WNT3A: variants seen among roughly 807,000 people sequenced by gnomAD.
WNT3A encodes the protein Wnt family member 3A.
Under a neutral mutation model 37.0 loss-of-function variants are expected in WNT3A, and 17 were observed. The ratio of observed to expected loss-of-function variants is 0.46; its 90% CI spans 0.31 to 0.69. The LOEUF (loss-of-function observed/expected upper bound fraction) is 0.69, where lower values mean the gene tolerates loss of function less well. Among genes scored for constraint, WNT3A ranks in the 30% least tolerant of loss-of-function variants. WNT3A has a pLI of 0.05. For missense variants in WNT3A, 411 were observed against 510.2 expected, an observed-to-expected ratio of 0.81 and a Z score of 1.87; for synonymous variants, 187 against 211.0, an observed-to-expected ratio of 0.89 and a Z score of 0.99.
At chr1:228,018,806 G>A (rs2030606832) in intron 1 of WNT3A, among the ~76,000 whole-genome samples, 1 of 152,202 alleles carries the variant, frequency 6.6e-6, no homozygotes, top group Non-Finnish European at 1.5e-5. Flanking sequence ...CCCCACAGGA[G>A]CTCCCCGCTG....
chr1:228,053,994 C>T (rs1050886953), intron 3 of WNT3A, among the ~76,000 whole-genome samples: 1 of 152,122 alleles, frequency 6.6e-6, no homozygotes, highest in African/African-American at 2.4e-5. Flanking sequence ...CCTGGGGTAG[C>T]TTTTGTCTAG....
chr1:228,035,537 T>C (rs1341669047), intron 2 of WNT3A, among the ~76,000 whole-genome samples: 1 of 152,126 alleles, frequency 6.6e-6, no homozygotes, highest in East Asian at 1.9e-4. Context: ...GCAGAGAAGG[T>C]AGGACTCCAG....
At chr1:228,023,693 C>A (rs1386448233) in intron 2 of WNT3A, among the ~76,000 whole-genome samples, 1 of 152,132 alleles carries the variant, frequency 6.6e-6, no homozygotes, top group Non-Finnish European at 1.5e-5. Flanking sequence ...AACCGAAAAT[C>A]CGCGATTTTA....
chr1:228,013,779 C>T (rs538278566), intron 1 of WNT3A, among the ~76,000 whole-genome samples: 6 of 152,342 alleles, frequency 3.9e-5, no homozygotes, highest in Non-Finnish European at 5.9e-5. Flanking sequence ...CGGGCAGTCT[C>T]AGCCTGGGCG....
intron 2 of WNT3A, among the ~76,000 whole-genome samples, chr1:228,030,659 G>C (rs1178437639): frequency 6.6e-6 from 1 of 152,168 alleles, no homozygotes; most frequent in Non-Finnish European, 1.5e-5. Context: ...CACTCTCTGT[G>C]TCTTCCAGCC....
chr1:228,022,827 C>A lies in WNT3A; in HGVS notation c.232C>A (p.Gln78Lys). 6.2e-7 allele frequency: 1 copy of A among 1,614,078 alleles called. No individual in the cohort carries two copies. Among genetic ancestry groups the A allele is most frequent in the Non-Finnish European group, 8.5e-7 (1 of 1,180,034 alleles). Residue 78 changes from glutamine to lysine, a missense_variant, in exon 2 of 4, where the codon CAG becomes AAG. Transcript: ENST00000284523. ...EGIKIGIQEC[Q>K]HQFRGRRWNC... The stretch of plus-strand genomic sequence containing the variant: ...CATCAAGATTGGCATCCAGGAGTGC[C>A]AGCACCAGTTCCGCGGCCGCCGGTG...
At position 228,037,219 on chromosome 1, in the gene WNT3A, C is replaced by T. The variant is rs528067737; in HGVS notation, c.314-13437C>T. 5.3e-5 allele frequency among the ~76,000 whole-genome samples: 8 copies of T among 152,034 alleles called. No homozygotes were observed. The highest frequency in any genetic ancestry group is 1.2e-4 in the Non-Finnish European group (8 of 67,932). On this transcript the variant is annotated intron_variant, in intron 2 of 3. Coordinates refer to ENST00000284523, the MANE Select transcript of WNT3A (RefSeq NM_033131.4). The surrounding 1 kb of genome is among the most constrained non-coding windows in gnomAD (Gnocchi z 4.1). ...CTCCCACTCAGCCTTCACACACCACCCCCTCTTCAAGCATTTCCAGTCCCC... is the reference window on the plus strand; with the variant it reads ...CTCCCACTCAGCCTTCACACACCACTCCCTCTTCAAGCATTTCCAGTCCCC...
intron 2 of WNT3A, among the ~76,000 whole-genome samples, chr1:228,041,422 T>C (rs2031281891): frequency 6.6e-6 from 1 of 151,908 alleles, no homozygotes; most frequent in Admixed American, 6.6e-5. Flanking sequence ...CCACCATCCA[T>C]CAATTCATCC....
At chr1:228,046,770 G>A (rs1475275197) in intron 2 of WNT3A, among the ~76,000 whole-genome samples, 2 of 150,494 alleles carry the variant, frequency 1.3e-5, no homozygotes, top group African/African-American at 4.9e-5. Context: ...GTGGTGGGGT[G>A]TGCATGTGTG....
chr1:228,019,751 A>G (rs1470727679), intron 1 of WNT3A, among the ~76,000 whole-genome samples: 1 of 152,188 alleles, frequency 6.6e-6, no homozygotes, highest in African/African-American at 2.4e-5. Flanking sequence ...TTATCTTTTT[A>G]TGCTTACGTC....
At chr1:228,054,554 G>A (rs1449722324) in intron 3 of WNT3A, among the ~76,000 whole-genome samples, 10 of 150,174 alleles carry the variant, frequency 6.7e-5, no homozygotes, top group Admixed American at 3.3e-4. Context: ...CGTGAACCCA[G>A]GAGGCGGAGC....
At chr1:228,034,245 G>A (rs2031084260) in intron 2 of WNT3A, among the ~76,000 whole-genome samples, 1 of 152,136 alleles carries the variant, frequency 6.6e-6, no homozygotes, top group African/African-American at 2.4e-5. Flanking sequence ...CTGGGCAACA[G>A]AGTGAGACTC....
Position 228,050,887 on chromosome 1 carries a change from C to A in WNT3A, c.545C>A (p.Ala182Asp). The A allele has an allele frequency of 6.4e-7, 1 of 1,555,956 alleles. No homozygotes were observed. ...GAGAACCGGCCAGATGCCCGCTCAG[C>A]CATGAACCGCCACAACAACGAGGCT... ...ARENRPDARS[A>D]MNRHNNEAGR... Residue 182 changes from alanine to aspartate, a missense_variant, in exon 3 of 4, where the codon GCC becomes GAC. Transcript: ENST00000284523. The surrounding 1 kb of genome is among the most constrained non-coding windows in gnomAD (Gnocchi z 5.0).
Position 228,037,131 on chromosome 1 carries a change from C to G in WNT3A, c.314-13525C>G, listed in dbSNP as rs2031162930. On this transcript the variant is annotated intron_variant, in intron 2 of 3. Transcript: ENST00000284523. The surrounding 1 kb of genome is among the most constrained non-coding windows in gnomAD (Gnocchi z 4.1). ...TGCTTCCCACAACTCCCAGTGGACA[C>G]TTCCCAGAGCCCTGGGGTTTGCTTC... Among the ~76,000 whole-genome samples the G allele has an allele frequency of 6.6e-6, 1 of 152,120 alleles. No individual in the cohort carries two copies. The highest frequency in any genetic ancestry group is 1.5e-5 in the Non-Finnish European group (1 of 67,982).
At chr1:228,027,090 G>A (rs375346256) in intron 2 of WNT3A, among the ~76,000 whole-genome samples, 6 of 152,292 alleles carry the variant, frequency 3.9e-5, no homozygotes, top group African/African-American at 1.2e-4. Flanking sequence ...TGATCCACCC[G>A]CCTCAGCCTC....
intron 1 of WNT3A, among the ~76,000 whole-genome samples, chr1:228,014,259 A>G (rs531711992): frequency 6.6e-6 from 1 of 152,244 alleles, no homozygotes; most frequent in South Asian, 2.1e-4. Context: ...CATTTGACAG[A>G]TGGGGAAACT....
chr1:228,043,132 G>C (rs1348896459), intron 2 of WNT3A, among the ~76,000 whole-genome samples: 5 of 152,198 alleles, frequency 3.3e-5, no homozygotes, highest in Non-Finnish European at 5.9e-5. Flanking sequence ...TTGATACTTT[G>C]GATGAATTCA....
intron 3 of WNT3A, among the ~76,000 whole-genome samples, chr1:228,056,180 G>C (rs1012125601): frequency 2.0e-5 from 3 of 152,204 alleles, no homozygotes; most frequent in Non-Finnish European, 2.9e-5. Context: ...CCATGTACAG[G>C]AACTTCCAAT....
At chr1:228,053,887 A>G (rs2031611328) in intron 3 of WNT3A, among the ~76,000 whole-genome samples, 1 of 152,166 alleles carries the variant, frequency 6.6e-6, no homozygotes, top group East Asian at 1.9e-4. Context: ...TTGTATGTCT[A>G]TTATACTTCC....
Sources: gnomAD v4.1 joint callset for allele counts (sites outside exome capture counted in the v4.1 genomes callset) on GRCh38, gnomAD v4.1.1 for gene constraint, Gnocchi (gnomAD v3.1) non-coding constraint, MANE v1.5 for transcripts, NCBI Gene and HGNC (gene_info 2026-07-23, HGNC 2026-07-21) for gene names.